Variants in XRCC1 observed in about 807,000 individuals in gnomAD.
XRCC1 encodes the protein X-ray repair cross complementing 1.
In XRCC1, 52 loss-of-function variants were observed where a neutral mutation model predicts 83.3. The observed-to-expected ratio is 0.62, with a 90% CI of 0.50 to 0.79. The LOEUF (loss-of-function observed/expected upper bound fraction) is 0.79. Among genes scored for constraint, XRCC1 ranks in the 30% least tolerant of loss-of-function variants. XRCC1 has a pLI of 0.00. For synonymous variants in XRCC1, 281 were observed against 312.6 expected (o/e 0.90, Z 1.07); for missense variants, 793 against 823.5 (o/e 0.96, Z 0.45).
intron 2 of XRCC1, among the ~76,000 whole-genome samples, chr19:43,561,283 C>T (rs917048167): frequency 5.9e-5 from 9 of 152,224 alleles, no homozygotes; most frequent in Admixed American, 5.9e-4. Flanking sequence ...CCAGACTCCA[C>T]CAGGTCAGCT....
In XRCC1 at chr19:43,574,925, G is replaced by C. The variant is rs1164393545; in HGVS notation, c.129C>G (p.Ile43Met). 8.1e-6 allele frequency: 13 copies of C among 1,614,084 alleles called. No homozygotes were observed. The highest frequency in any genetic ancestry group is 1.0e-5 in the Non-Finnish European group (12 of 1,179,914). Residue 43 changes from isoleucine (I) to methionine (M), a missense_variant, in exon 2 of 17, where the codon ATC (isoleucine) becomes ATG (methionine). Ile to Met is a conservative substitution (Grantham distance 10, BLOSUM62 1). Coordinates refer to ENST00000262887, the MANE Select transcript of XRCC1 (RefSeq NM_006297.3). The stretch of plus-strand genomic sequence containing the variant: ...GCAGGATCACCTGTAGGACCACAGA[G>C]ATGGTCTTCTCGCCTGCCTTGGCTG... ...WRAAKAGEKT[I>M]SVVLQLEKEE... is the part of the protein sequence containing the mutation.
At chr19:43,552,353 TC>T in intron 8 of XRCC1, 78 bp from the exon 9 acceptor site, 1 of 1,110,522 alleles carries the variant, frequency 9.0e-7, no homozygotes, top group Non-Finnish European at 1.3e-6. Context: ...GACCCAGCAG[TC>T]CAGGCCCCAG....
intron 10 of XRCC1, 52 bp from the exon 11 acceptor site, chr19:43,547,029 G>A (rs1051392702): frequency 6.4e-7 from 1 of 1,562,012 alleles, no homozygotes; most frequent in Non-Finnish European, 8.8e-7. Flanking sequence ...AGTGGGGAGG[G>A]CGTTCAGGAG....
intron 2 of XRCC1, among the ~76,000 whole-genome samples, chr19:43,571,352 T>G (rs1972805070): frequency 6.6e-6 from 1 of 152,188 alleles, no homozygotes. Context: ...GACCCTACTA[T>G]TTAAATAAAA....
chr19:43,548,784 A>AAAAAAAAAAAAAAAAAAAAAAAAAAAAC (rs752610644), intron 10 of XRCC1, among the ~76,000 whole-genome samples: 5 of 142,096 alleles, frequency 3.5e-5, no homozygotes, highest in African/African-American at 8.2e-5. Flanking sequence ...AAAAAAAAAA[A>AAAAAAAAAAAAAAAAAAAAAAAAAAAAC]AACACAACAG....
At chr19:43,562,204 C>A (rs1972706671) in intron 2 of XRCC1, among the ~76,000 whole-genome samples, 1 of 151,920 alleles carries the variant, frequency 6.6e-6, no homozygotes, top group Admixed American at 6.6e-5. Flanking sequence ...CCTCTCCCAC[C>A]CCTGGTGATG....
Position 43,552,012 on chromosome 19 carries a change from C to A in XRCC1, c.1082+5G>T. On this transcript the variant is annotated splice_donor_5th_base_variant and intron_variant, in intron 9 of 16. Coordinates refer to ENST00000262887, the MANE Select transcript of XRCC1 (RefSeq NM_006297.3). ...AGCGGCGCAGGGAGGGGGGCGCAAGCCTACATGAGGTGCGTGCTGTCCCGG... is the reference window on the plus strand; with the variant it reads ...AGCGGCGCAGGGAGGGGGGCGCAAGACTACATGAGGTGCGTGCTGTCCCGG... 1.2e-6 allele frequency: 2 copies of A among 1,613,608 alleles called. No individual in the cohort carries two copies. Among genetic ancestry groups the A allele is most frequent in the Non-Finnish European group, 1.7e-6 (2 of 1,179,608 alleles).
chr19:43,559,405 G>A (rs1162059909), intron 3 of XRCC1, among the ~76,000 whole-genome samples: 2 of 147,064 alleles, frequency 1.4e-5, no homozygotes, highest in East Asian at 2.0e-4. Flanking sequence ...GCGTGAACCC[G>A]GGAGGTGGAG....
intron 3 of XRCC1, among the ~76,000 whole-genome samples, chr19:43,559,002 A>G (rs1277340520): frequency 6.6e-6 from 1 of 152,004 alleles, no homozygotes; most frequent in Non-Finnish European, 1.5e-5. Flanking sequence ...TTAGCCGGGT[A>G]TGGCGGCTCA....
At position 43,546,578 on chromosome 19, in the gene XRCC1, C is replaced by T. The variant is rs756113505; in HGVS notation, c.1426+17G>A. ...TCAGGAGCCCAGGCCCCAGCCCCTC[C>T]TCCCTCAGAGTCTGACCTGACTGTA... On this transcript the variant is annotated intron_variant, in intron 12 of 16. Transcript: ENST00000262887. 1.2e-5 allele frequency: 19 copies of T among 1,593,320 alleles called. No individual in the cohort carries two copies. Among genetic ancestry groups the T allele is most frequent in the Non-Finnish European group, 1.6e-5 (19 of 1,174,796 alleles).
chr19:43,564,945 G>A (rs1410217906), intron 2 of XRCC1, among the ~76,000 whole-genome samples: 6 of 152,112 alleles, frequency 3.9e-5, no homozygotes, highest in Admixed American at 3.9e-4. Flanking sequence ...TGCATCTTCG[G>A]CTTCTCGAGG....
At chr19:43,553,288 C>T (rs1972601073) in intron 6 of XRCC1, 113 bp downstream of exon 6, 2 of 1,297,182 alleles carry the variant, frequency 1.5e-6, no homozygotes, top group Admixed American at 2.0e-5. Flanking sequence ...TCCAGGACTC[C>T]ACTACCCTCC....
rs144868354 is a variant in XRCC1 at position 43,543,571 on chromosome 19, G to T, written c.1788+41C>A. ...AGGGGAGGACGGAGGAGATGCAAAG[G>T]TGTGCCCGGGTCTCCCATTCTCTGC... On this transcript the variant is annotated intron_variant, in intron 16 of 16. Transcript: ENST00000262887. 3.7e-5 allele frequency: 60 copies of T among 1,613,354 alleles called. No homozygotes were observed. In the East Asian group the frequency reaches 1.2e-3, roughly 34 times the overall value.
chr19:43,560,983 C>T lies in XRCC1; in HGVS notation c.182G>A (p.Gly61Glu). Reference protein sequence around the residue: ...KEEQIHSVDIGNDGSAFVEVL... With the variant: ...KEEQIHSVDIENDGSAFVEVL... ...CTCCACGAAAGCTGAGCCATCATTC[C>T]CAATGTCCACACTGTGTATCTGCTC... The change falls in exon 3 of 17, where the codon GGG (glycine) becomes GAG (glutamate). Residue 61 changes from glycine (G) to glutamate (E), a missense_variant. Physicochemically the swap from Gly to Glu is moderately conservative, Grantham distance 98. Coordinates refer to ENST00000262887, the MANE Select transcript of XRCC1 (RefSeq NM_006297.3). The T allele has an allele frequency of 6.2e-7, 1 of 1,614,214 alleles. No individual in the cohort carries two copies. Among genetic ancestry groups the T allele is most frequent in the Middle Eastern group, 1.6e-4 (1 of 6,062 alleles).
In XRCC1 at chr19:43,546,909, T is replaced by C. The variant is rs1319557147; in HGVS notation, c.1268A>G (p.Asp423Gly). 4 of 1,613,864 alleles carry C rather than the reference T, an allele frequency of 2.5e-6. No individual in the cohort carries two copies. The African/African-American group carries it at 5.3e-5, about 22-fold the overall frequency. The change falls in exon 11 of 17, where the codon GAT (aspartate) becomes GGT (glycine). Residue 423 changes from aspartate to glycine, a missense_variant. Coordinates refer to ENST00000262887, the MANE Select transcript of XRCC1 (RefSeq NM_006297.3). The part of the protein sequence containing the change: ...DEASHSGGSG[D>G]EAPKLPQKQP... Reference sequence around the variant, plus strand: ...CTTCTGAGGAAGCTTGGGGGCTTCATCTCCGCTGCCACCGCTGTGAGAGGC... The same window carrying C: ...CTTCTGAGGAAGCTTGGGGGCTTCACCTCCGCTGCCACCGCTGTGAGAGGC...
intron 2 of XRCC1, among the ~76,000 whole-genome samples, chr19:43,570,623 A>C (rs574264320): frequency 6.6e-6 from 1 of 152,266 alleles, no homozygotes; most frequent in African/African-American, 2.4e-5. Context: ...ATCTCTACGA[A>C]AAATTTTTAA....
chr19:43,562,018 T>A (rs1467112488), intron 2 of XRCC1, among the ~76,000 whole-genome samples: 1 of 151,900 alleles, frequency 6.6e-6, no homozygotes, highest in Non-Finnish European at 1.5e-5. Context: ...TGGTGACACA[T>A]GCCTGTAGTC....
Position 43,559,801 on chromosome 19 carries a change from T to C in XRCC1, c.255+1109A>G, listed in dbSNP as rs79960414. 6.2e-3 allele frequency among the ~76,000 whole-genome samples: 939 copies of C among 152,062 alleles called. 12 individuals carry two copies. Among genetic ancestry groups the C allele is most frequent in the African/African-American group, 0.022 (895 of 41,502 alleles). ...AAGGGTCTTTATAAGAAAGGAGGGC[T>C]GGGTGTGGTGGCTCATGCCTGTAAT... On this transcript the variant is annotated intron_variant, in intron 3 of 16. Transcript: ENST00000262887.
intron 3 of XRCC1, among the ~76,000 whole-genome samples, chr19:43,557,451 A>AT (rs1422601339): frequency 6.6e-6 from 1 of 152,160 alleles, no homozygotes; most frequent in Non-Finnish European, 1.5e-5. Context: ...AAAACAGAAC[A>AT]TAACTATAGC....
Sources: allele counts gnomAD v4.1 joint callset (sites outside exome capture counted in the v4.1 genomes callset), GRCh38; gene constraint gnomAD v4.1.1; transcripts MANE v1.5; gene names NCBI Gene and HGNC (gene_info 2026-07-23, HGNC 2026-07-21).